CACNA1D: variants seen among roughly 807,000 people sequenced by gnomAD.
CACNA1D encodes voltage-dependent L-type calcium channel subunit alpha-1D.
Under a neutral mutation model 257.1 loss-of-function variants are expected in CACNA1D, and 55 were observed. That is an observed-to-expected ratio of 0.21 (90% CI 0.17 to 0.27). CACNA1D has a LOEUF of 0.27. Among genes scored for constraint, CACNA1D ranks in the 10% least tolerant of loss-of-function variants. The pLI is 1.00. For missense variants in CACNA1D, 1,876 were observed against 2,784.0 expected (o/e 0.67, Z 7.34); for synonymous variants, 980 against 1,014.9 (o/e 0.97, Z 0.65).
intron 40 of CACNA1D, among the ~76,000 whole-genome samples, chr3:53,799,297 T>G (rs2095523873): frequency 6.6e-6 from 1 of 152,320 alleles, no homozygotes; most frequent in African/African-American, 2.4e-5. Flanking sequence ...ACATCATCAT[T>G]CTCTCAGAGC....
At position 53,811,447 on chromosome 3, in the gene CACNA1D, C is replaced by T. The variant is rs373370971; in HGVS notation, c.*41C>T. On this transcript the variant is annotated 3_prime_UTR_variant, in exon 48 of 48. Coordinates refer to ENST00000350061, the MANE Select transcript of CACNA1D (RefSeq NM_001128840.3). The surrounding 1 kb of genome is among the most constrained non-coding windows in gnomAD (Gnocchi z 4.2). ...AGACTGGCTCTGGCCTCAGGTGGGG[C>T]GCAGGAGAGCCAGGGGAAAAGTGCC... The T allele has an allele frequency of 2.6e-5, 39 of 1,483,500 alleles. No individual in the cohort carries two copies. Among genetic ancestry groups the T allele is most frequent in the South Asian group, 4.1e-5 (3 of 72,400 alleles). The allele number at this position is 1,483,500 out of a possible 1,614,324, so 91.9% of individuals were successfully genotyped here.
At chr3:53,510,367 G>C (rs2091057038) in intron 3 of CACNA1D, among the ~76,000 whole-genome samples, 4 of 152,156 alleles carry the variant, frequency 2.6e-5, no homozygotes, top group Admixed American at 2.6e-4. Context: ...AGACCTTACA[G>C]ACCTTTCCAT....
chr3:53,774,736 C>A lies in CACNA1D; in HGVS notation c.4202+58C>A. On this transcript the variant is annotated intron_variant, in intron 34 of 47. Transcript: ENST00000350061. The surrounding 1 kb of genome is among the most constrained non-coding windows in gnomAD (Gnocchi z 4.3). Reference sequence around the variant, plus strand: ...GCAGGGGGGTCCGCTAGGCGTGGGTCCAGAGGGACGGAGGACACAGGTTAT... The same window carrying A: ...GCAGGGGGGTCCGCTAGGCGTGGGTACAGAGGGACGGAGGACACAGGTTAT... The A allele has an allele frequency of 1.0e-6, 1 of 954,448 alleles. No homozygotes were observed. Among genetic ancestry groups the A allele is most frequent in the Admixed American group, 1.7e-5 (1 of 58,932 alleles). The allele number at this position is 954,448 out of a possible 1,614,324, so 59.1% of individuals were successfully genotyped here.
intron 8 of CACNA1D, among the ~76,000 whole-genome samples, chr3:53,685,717 A>T (rs2094468498): frequency 6.6e-6 from 1 of 152,158 alleles, no homozygotes; most frequent in African/African-American, 2.4e-5. Flanking sequence ...TAACTCAAAA[A>T]ATAATAAAAA....
intron 3 of CACNA1D, among the ~76,000 whole-genome samples, chr3:53,576,601 A>G (rs1000172321): frequency 2.0e-5 from 3 of 152,226 alleles, no homozygotes; most frequent in African/African-American, 2.4e-5. Context: ...CATCACCTCA[A>G]AAACGTAGGA....
In CACNA1D at chr3:53,724,159, G is replaced by A. The variant is rs188690988; in HGVS notation, c.2100+160G>A. On this transcript the variant is annotated intron_variant, in intron 14 of 47. Transcript: ENST00000350061. Reference sequence around the variant, plus strand: ...AAATTTTGTGCCATTTAAGTTATTCGTTCTGCATCATCCTCCAGCTGTCTA... The same window carrying A: ...AAATTTTGTGCCATTTAAGTTATTCATTCTGCATCATCCTCCAGCTGTCTA... Among the ~76,000 whole-genome samples, 49 of 152,208 alleles carry A rather than the reference G, an allele frequency of 3.2e-4. No homozygotes were observed. The East Asian group carries it at 7.3e-3, about 23-fold the overall frequency.
chr3:53,614,597 G>T (rs2107985273), intron 3 of CACNA1D, among the ~76,000 whole-genome samples: 1 of 152,304 alleles, frequency 6.6e-6, no homozygotes, highest in South Asian at 2.1e-4. Context: ...GTCACACTTT[G>T]CCAGTTGACA....
intron 19 of CACNA1D, among the ~76,000 whole-genome samples, chr3:53,734,003 T>TAC (rs2095030400): frequency 9.9e-5 from 3 of 30,178 alleles, no homozygotes; most frequent in Admixed American, 9.0e-4. Context: ...CATATACATA[T>TAC]ATATATGTGT....
intron 9 of CACNA1D, among the ~76,000 whole-genome samples, chr3:53,715,082 C>T (rs1202658146): frequency 6.6e-6 from 1 of 152,000 alleles, no homozygotes; most frequent in African/African-American, 2.4e-5. Context: ...GGAAAAGGAT[C>T]CTGTGATAGG....
chr3:53,771,323 A>C (rs1025751393), intron 32 of CACNA1D, among the ~76,000 whole-genome samples: 3 of 152,230 alleles, frequency 2.0e-5, no homozygotes, highest in Non-Finnish European at 4.4e-5. Flanking sequence ...ACTATTTTTC[A>C]TTCAAAAGTT....
At chr3:53,759,801 C>T (rs946205328) in intron 29 of CACNA1D, among the ~76,000 whole-genome samples, 8 of 152,308 alleles carry the variant, frequency 5.3e-5, no homozygotes, top group South Asian at 2.1e-4. Context: ...ACTTCTTGGA[C>T]GAAGGAAACT....
chr3:53,639,345 G>A (rs1345079230), intron 3 of CACNA1D, among the ~76,000 whole-genome samples: 1 of 151,562 alleles, frequency 6.6e-6, no homozygotes, highest in Non-Finnish European at 1.5e-5. Flanking sequence ...TATGTTTATA[G>A]GAACATGACT....
chr3:53,565,907 G>A (rs1267501067), intron 3 of CACNA1D, among the ~76,000 whole-genome samples: 1 of 152,184 alleles, frequency 6.6e-6, no homozygotes, highest in African/African-American at 2.4e-5. Context: ...TGTGATATCA[G>A]AGTAATATCA....
At chr3:53,574,533 C>T (rs926590989) in intron 3 of CACNA1D, among the ~76,000 whole-genome samples, 18 of 152,132 alleles carry the variant, frequency 1.2e-4, no homozygotes, top group Admixed American at 5.2e-4. Context: ...GGATGAAAGG[C>T]GGGGGCTTGT....
chr3:53,546,652 C>T lies in CACNA1D; in HGVS notation c.483+44932C>T, dbSNP rs181142378. 1.8e-3 allele frequency among the ~76,000 whole-genome samples: 281 copies of T among 152,296 alleles called. 1 individual carries two copies. The highest frequency in any genetic ancestry group is 6.5e-3 in the African/African-American group (272 of 41,558). Reference sequence around the variant, plus strand: ...GCCCCTTGTCTCCTACTCCAAGCCACCCCCATGTGCTTGAATGTTGAAAGT... The same window carrying T: ...GCCCCTTGTCTCCTACTCCAAGCCATCCCCATGTGCTTGAATGTTGAAAGT... On this transcript the variant is annotated intron_variant, in intron 3 of 47. Coordinates refer to ENST00000350061, the MANE Select transcript of CACNA1D (RefSeq NM_001128840.3).
chr3:53,573,689 T>A (rs2092987893), intron 3 of CACNA1D, among the ~76,000 whole-genome samples: 1 of 152,240 alleles, frequency 6.6e-6, no homozygotes, highest in Non-Finnish European at 1.5e-5. Context: ...TTCTGTTCTT[T>A]CACTGTTGTA....
At chr3:53,750,827 G>T (rs533956697) in intron 27 of CACNA1D, among the ~76,000 whole-genome samples, 1 of 152,324 alleles carries the variant, frequency 6.6e-6, no homozygotes, top group South Asian at 2.1e-4. Context: ...GCAGGAGAGC[G>T]GGGGTAGGTC....
At chr3:53,534,350 A>G (rs1433502303) in intron 3 of CACNA1D, among the ~76,000 whole-genome samples, 1 of 152,000 alleles carries the variant, frequency 6.6e-6, no homozygotes, top group Non-Finnish European at 1.5e-5. Context: ...ATCTAATTTT[A>G]TCTCCTCCAG....
chr3:53,775,893 A>G lies in CACNA1D; in HGVS notation c.4210A>G (p.Thr1404Ala), dbSNP rs2095394609. 1.2e-6 allele frequency: 2 copies of G among 1,614,168 alleles called. No individual in the cohort carries two copies. Among genetic ancestry groups the G allele is most frequent in the Non-Finnish European group, 1.7e-6 (2 of 1,180,014 alleles). ...QAVLLLFRCA[T>A]GEAWQEIMLA... The stretch of plus-strand genomic sequence containing the variant: ...GTTCTTCATCTGAAAAAGGTGTGCA[A>G]CAGGTGAGGCCTGGCAGGAGATCAT... The change falls in exon 35 of 48, where the codon ACA becomes GCA. Residue 1404 changes from threonine to alanine, a missense_variant. Transcript: ENST00000350061.
Sources: allele counts gnomAD v4.1 joint callset (sites outside exome capture counted in the v4.1 genomes callset), GRCh38; gene constraint gnomAD v4.1.1; non-coding constraint Gnocchi (gnomAD v3.1); transcripts MANE v1.5; gene names NCBI Gene and HGNC (gene_info 2026-07-23, HGNC 2026-07-21).